The following CD247 variants were observed in gnomAD, a reference collection of about 807,000 sequenced individuals.
CD247 encodes CD247 molecule.
A neutral mutation model predicts 30.0 loss-of-function variants in CD247; 13 were observed. The ratio of observed to expected loss-of-function variants is 0.43; its 90% confidence interval spans 0.28 to 0.69. The LOEUF is 0.69. Among genes scored for constraint, CD247 ranks in the 30% least tolerant of loss-of-function variants. The pLI, the probability that CD247 is intolerant of heterozygous loss-of-function variation, is 0.16. For missense variants in CD247, 193 were observed against 212.6 expected (o/e 0.91, Z 0.57); for synonymous variants, 72 against 80.0 (o/e 0.90, Z 0.53).
chr1:167,441,412 C>T (rs1362426960), intron 1 of CD247, among the ~76,000 whole-genome samples: 1 of 152,046 alleles, frequency 6.6e-6, no homozygotes, highest in African/African-American at 2.4e-5. Context: ...TTTGGTGCCC[C>T]TCCCCACCTA....
At chr1:167,461,867 T>C (rs1308950342) in intron 1 of CD247, among the ~76,000 whole-genome samples, 2 of 152,124 alleles carry the variant, frequency 1.3e-5, no homozygotes, top group Non-Finnish European at 2.9e-5. Flanking sequence ...TCAAAGTACA[T>C]TTTTGATGCC....
At chr1:167,482,607 A>G (rs1654018572) in intron 1 of CD247, among the ~76,000 whole-genome samples, 2 of 152,196 alleles carry the variant, frequency 1.3e-5, no homozygotes, top group Admixed American at 1.3e-4. Flanking sequence ...ACTCCACAGC[A>G]GGGGAGACCT....
chr1:167,445,466 G>C (rs915042199), intron 1 of CD247, among the ~76,000 whole-genome samples: 1 of 152,046 alleles, frequency 6.6e-6, no homozygotes, highest in Non-Finnish European at 1.5e-5. Flanking sequence ...CTAGGCATAC[G>C]GGTCATTGTA....
chr1:167,463,820 G>A (rs1466689367), intron 1 of CD247, among the ~76,000 whole-genome samples: 1 of 152,178 alleles, frequency 6.6e-6, no homozygotes, highest in Non-Finnish European at 1.5e-5. Context: ...CGATTCATTT[G>A]GCTAATGAAT....
At chr1:167,460,515 G>A (rs151100679) in intron 1 of CD247, among the ~76,000 whole-genome samples, 1 of 152,320 alleles carries the variant, frequency 6.6e-6, no homozygotes, top group Non-Finnish European at 1.5e-5. Flanking sequence ...GTGCCAAAAT[G>A]TGCAGAAAGG....
intron 1 of CD247, among the ~76,000 whole-genome samples, chr1:167,445,664 C>A (rs1427556885): frequency 6.6e-6 from 1 of 152,132 alleles, no homozygotes; most frequent in Non-Finnish European, 1.5e-5. Flanking sequence ...TCTGGTTTCT[C>A]TGGGTGAGAT....
At chr1:167,444,279 G>C (rs185699447) in intron 1 of CD247, among the ~76,000 whole-genome samples, 1 of 152,302 alleles carries the variant, frequency 6.6e-6, no homozygotes, top group Admixed American at 6.5e-5. Context: ...CTGGACAACA[G>C]ACAGTTTTGC....
At chr1:167,502,637 G>T (rs1027316378) in intron 1 of CD247, among the ~76,000 whole-genome samples, 3 of 152,272 alleles carry the variant, frequency 2.0e-5, no homozygotes, top group Non-Finnish European at 4.4e-5. Flanking sequence ...ACCTTATTTG[G>T]AAATAGGGTG....
rs80300692 is a variant in CD247, at chr1:167,432,206, C to T, written c.430-460G>A. Among the ~76,000 whole-genome samples, 1,066 of 152,336 alleles carry T rather than the reference C, an allele frequency of 7.0e-3. 10 individuals carry two copies. The highest frequency in any genetic ancestry group is 0.025 in the African/African-American group (1,033 of 41,570). Reference sequence around the variant, plus strand: ...AGGGAGAAGAGGGGCTCCTTGGCCTCAGCCCTCTGTGAGCCTCCTTCCCTT... The same window carrying T: ...AGGGAGAAGAGGGGCTCCTTGGCCTTAGCCCTCTGTGAGCCTCCTTCCCTT... On this transcript the variant is annotated intron_variant, in intron 7 of 7. Coordinates refer to ENST00000362089, the MANE Select transcript of CD247 (RefSeq NM_198053.3).
intron 1 of CD247, among the ~76,000 whole-genome samples, chr1:167,447,981 C>A (rs1312099742): frequency 6.7e-6 from 1 of 148,170 alleles, no homozygotes; most frequent in South Asian, 2.2e-4. Flanking sequence ...GGGGTGGGGG[C>A]GGTGTCTGTG....
chr1:167,448,821 A>G (rs1260405094), intron 1 of CD247, among the ~76,000 whole-genome samples: 1 of 152,188 alleles, frequency 6.6e-6, no homozygotes, highest in Non-Finnish European at 1.5e-5. Flanking sequence ...AGATAGCACC[A>G]CTGCACTCCA....
chr1:167,435,613 A>C (rs1344965353), intron 4 of CD247, among the ~76,000 whole-genome samples, 179 bp from the exon 5 acceptor site: 4 of 152,056 alleles, frequency 2.6e-5, no homozygotes, highest in African/African-American at 9.7e-5. Context: ...ATGGCACTAC[A>C]TGGCTCATAC....
At chr1:167,466,187 G>A (rs188398271) in intron 1 of CD247, among the ~76,000 whole-genome samples, 3 of 152,282 alleles carry the variant, frequency 2.0e-5, no homozygotes, top group East Asian at 1.9e-4. Flanking sequence ...TTTGGAGTTC[G>A]AGGCTCAGCA....
chr1:167,449,443 C>T (rs1652255407), intron 1 of CD247, among the ~76,000 whole-genome samples: 2 of 151,670 alleles, frequency 1.3e-5, no homozygotes, highest in Admixed American at 6.6e-5. Flanking sequence ...TGTGAGCCAC[C>T]GAGCCCAGCC....
intron 1 of CD247, among the ~76,000 whole-genome samples, chr1:167,516,920 G>A (rs559516689): frequency 1.9e-4 from 29 of 152,228 alleles, no homozygotes; most frequent in Non-Finnish European, 2.6e-4. Flanking sequence ...TCTCCAAGCC[G>A]AACACAAATG....
At chr1:167,482,193 C>T (rs1654000924) in intron 1 of CD247, among the ~76,000 whole-genome samples, 1 of 152,228 alleles carries the variant, frequency 6.6e-6, no homozygotes, top group African/African-American at 2.4e-5. Context: ...CACCACCCGA[C>T]TGGAGACAAC....
intron 6 of CD247, 27 bp downstream of exon 6, chr1:167,433,993 C>T (rs199702239): frequency 3.6e-5 from 58 of 1,604,882 alleles, no homozygotes; most frequent in Non-Finnish European, 4.7e-5. Context: ...GGAACTCCCT[C>T]GGAAATTAAG....
intron 1 of CD247, among the ~76,000 whole-genome samples, chr1:167,453,079 T>C (rs1652449229): frequency 6.6e-6 from 1 of 150,446 alleles, no homozygotes; most frequent in South Asian, 2.1e-4. Context: ...AAGACACTTA[T>C]TCTTACCTCT....
intron 1 of CD247, among the ~76,000 whole-genome samples, chr1:167,472,168 G>T (rs896943417): frequency 6.6e-6 from 1 of 152,046 alleles, no homozygotes; most frequent in South Asian, 2.1e-4. Flanking sequence ...ACATATTAAG[G>T]ATTCATCCTT....
Sources: allele counts gnomAD v4.1 joint callset (sites outside exome capture counted in the v4.1 genomes callset), GRCh38; gene constraint gnomAD v4.1.1; transcripts MANE v1.5; gene names NCBI Gene and HGNC (gene_info 2026-07-23, HGNC 2026-07-21).